The following FUT8 variants were observed in gnomAD, a reference collection of about 807,000 sequenced individuals.
FUT8 encodes fucosyltransferase 8.
In FUT8, 29 loss-of-function variants were observed where a neutral mutation model predicts 71.3. That is an observed-to-expected ratio of 0.41 (90% CI 0.30 to 0.55). FUT8 has a LOEUF of 0.55. FUT8 is among the 20% of genes least tolerant of loss of function. The pLI is 0.34. For missense variants in FUT8, 544 were observed against 702.1 expected, an observed-to-expected ratio of 0.77 and a Z score of 2.55; for synonymous variants, 254 against 239.3, an observed-to-expected ratio of 1.06 and a Z score of -0.57.
At chr14:65,615,608 C>A (rs1371918998) in intron 3 of FUT8, among the ~76,000 whole-genome samples, 1 of 152,100 alleles carries the variant, frequency 6.6e-6, no homozygotes, top group Non-Finnish European at 1.5e-5. Context: ...TCCCTTTAAG[C>A]CTTTTCTTTA....
At chr14:65,470,795 C>T (rs961976922) in intron 2 of FUT8, among the ~76,000 whole-genome samples, 6 of 152,070 alleles carry the variant, frequency 3.9e-5, no homozygotes, top group African/African-American at 1.4e-4. Flanking sequence ...GGCACCGCTC[C>T]CACTTCCTGC....
chr14:65,669,393 T>A lies in FUT8; in HGVS notation c.748T>A (p.Tyr250Asn). Residue 250 changes from tyrosine to asparagine, a missense_variant, in exon 7 of 11, where the codon TAT becomes AAT. By Grantham distance (143) the Tyr-to-Asn change is moderately radical. Transcript: ENST00000673929. This position sits in a 1 kb window ranked among gnomAD's most constrained non-coding sequence, Gnocchi z 4.5. ...TLILESQNWR[Y>N]ATGGWETVFR... ...CATCTTGGAATCTCAGAATTGGCGCTATGCTACTGGTGGATGGGAGACTGT... is the reference window on the plus strand; with the variant it reads ...CATCTTGGAATCTCAGAATTGGCGCAATGCTACTGGTGGATGGGAGACTGT... 6.2e-7 allele frequency: 1 copy of A among 1,613,792 alleles called. No individual in the cohort carries two copies. The highest frequency in any genetic ancestry group is 8.5e-7 in the Non-Finnish European group (1 of 1,179,826).
chr14:65,635,699 G>A (rs1301819571), intron 6 of FUT8, among the ~76,000 whole-genome samples: 8 of 152,114 alleles, frequency 5.3e-5, no homozygotes, highest in Non-Finnish European at 1.0e-4. Flanking sequence ...TGAACATGGT[G>A]GATTATCTTT....
chr14:65,360,153 T>C, the FUT8 span, among the ~76,000 whole-genome samples: 6 of 152,264 alleles, frequency 3.9e-5, no homozygotes, highest in Middle Eastern at 0.017. Flanking sequence ...TTTTACCTTA[T>C]GTTGTGGGAC....
At chr14:65,504,698 C>T (rs539135801) in intron 2 of FUT8, among the ~76,000 whole-genome samples, 3 of 152,286 alleles carry the variant, frequency 2.0e-5, no homozygotes, top group East Asian at 1.9e-4. Context: ...TACAGGCGCC[C>T]GCCACCATGC....
chr14:65,530,142 A>G (rs960280389), intron 2 of FUT8, among the ~76,000 whole-genome samples: 2 of 152,084 alleles, frequency 1.3e-5, no homozygotes, highest in African/African-American at 4.8e-5. Flanking sequence ...ACTTTCCCCC[A>G]AAATTCTTGT....
At chr14:65,737,924 A>G (rs1202158827) in intron 10 of FUT8, among the ~76,000 whole-genome samples, 1 of 152,124 alleles carries the variant, frequency 6.6e-6, no homozygotes, top group Non-Finnish European at 1.5e-5. Context: ...ACCAAAAACT[A>G]CGTTAACTAT....
At chr14:65,645,067 G>T (rs573247208) in intron 6 of FUT8, among the ~76,000 whole-genome samples, 1 of 152,266 alleles carries the variant, frequency 6.6e-6, no homozygotes, top group East Asian at 1.9e-4. Context: ...AAGGCAAAAA[G>T]CCACCTTGGC....
chr14:65,654,252 A>C (rs1190866949), intron 6 of FUT8, among the ~76,000 whole-genome samples: 4 of 152,190 alleles, frequency 2.6e-5, no homozygotes. Context: ...AGACTGTAAT[A>C]ATTGTTGTAT....
intron 2 of FUT8, among the ~76,000 whole-genome samples, chr14:65,470,745 G>T (rs1312802289): frequency 6.6e-6 from 1 of 152,076 alleles, no homozygotes; most frequent in East Asian, 1.9e-4. Context: ...CCTCAGTGGG[G>T]TGGGCGCAGT....
chr14:65,564,974 A>G (rs532900942), intron 3 of FUT8, among the ~76,000 whole-genome samples: 1 of 152,112 alleles, frequency 6.6e-6, no homozygotes, highest in South Asian at 2.1e-4. Context: ...GACACTGGAT[A>G]GTTTATAGAG....
intron 6 of FUT8, among the ~76,000 whole-genome samples, chr14:65,633,005 C>A (rs1594839686): frequency 1.2e-5 from 1 of 85,256 alleles, no homozygotes; most frequent in Non-Finnish European, 2.2e-5. Context: ...CCTCTCCCCT[C>A]CCCCCCCCCG....
chr14:65,463,001 G>C (rs2065989722), intron 2 of FUT8, among the ~76,000 whole-genome samples: 1 of 152,136 alleles, frequency 6.6e-6, no homozygotes, highest in South Asian at 2.1e-4. Flanking sequence ...ATTGTACTAA[G>C]TGTTTTCATA....
chr14:65,506,346 A>G (rs1360007234), intron 2 of FUT8, among the ~76,000 whole-genome samples: 1 of 152,248 alleles, frequency 6.6e-6, no homozygotes, highest in African/African-American at 2.4e-5. Flanking sequence ...GCTATAAAAA[A>G]AGAAGTAAAG....
chr14:65,697,619 AG>A (rs1894059433), intron 7 of FUT8, among the ~76,000 whole-genome samples: 2 of 152,338 alleles, frequency 1.3e-5, no homozygotes, highest in Admixed American at 1.3e-4. Context: ...TTATAATGAT[AG>A]TAATCATCAC....
At chr14:65,714,161 T>A (rs1443287596) in intron 7 of FUT8, among the ~76,000 whole-genome samples, 1 of 152,240 alleles carries the variant, frequency 6.6e-6, no homozygotes, top group Non-Finnish European at 1.5e-5. Flanking sequence ...GGCACCTTTG[T>A]TGAAAATGAG....
chr14:65,694,626 A>G (rs964897390), intron 7 of FUT8, among the ~76,000 whole-genome samples: 9 of 152,150 alleles, frequency 5.9e-5, no homozygotes, highest in African/African-American at 2.2e-4. Context: ...CACAATAGCA[A>G]AGACTTGGAA....
intron 1 of FUT8, among the ~76,000 whole-genome samples, chr14:65,450,144 G>C (rs1416485865): frequency 6.6e-6 from 1 of 151,932 alleles, no homozygotes; most frequent in Non-Finnish European, 1.5e-5. Context: ...AGACTCAATG[G>C]GCCATTTGCT....
intron 1 of FUT8, among the ~76,000 whole-genome samples, chr14:65,420,991 G>A (rs1314327147): frequency 6.6e-6 from 1 of 152,030 alleles, no homozygotes; most frequent in Non-Finnish European, 1.5e-5. Flanking sequence ...TCAAGAGATC[G>A]AGACCATCCT....
Sources: gnomAD v4.1 joint callset for allele counts (sites outside exome capture counted in the v4.1 genomes callset) on GRCh38, gnomAD v4.1.1 for gene constraint, Gnocchi (gnomAD v3.1) non-coding constraint, MANE v1.5 for transcripts, NCBI Gene and HGNC (gene_info 2026-07-23, HGNC 2026-07-21) for gene names.